Variants in POMZP3 observed in about 807,000 individuals in gnomAD.
POMZP3 encodes the protein POM121 and ZP3 fusion protein.
A neutral mutation model predicts 19.8 loss-of-function variants in POMZP3; 10 were observed. The ratio of observed to expected loss-of-function variants is 0.51; its 90% CI spans 0.31 to 0.86. The LOEUF (loss-of-function observed/expected upper bound fraction) is 0.86. POMZP3 is among the 40% of genes least tolerant of loss of function. The probability of loss-of-function intolerance (pLI) is 0.04; values close to 1 mark genes in which losing one functional copy is unlikely to be tolerated. For synonymous variants in POMZP3, 57 were observed against 85.8 expected (o/e 0.66, Z 1.85); for missense variants, 152 against 228.1 (o/e 0.67, Z 2.15).
At chr7:76,610,242 G>A (rs771741741) in intron 6 of POMZP3, 27 bp from the exon 7 acceptor site, 27 of 1,613,728 alleles carry the variant, frequency 1.7e-5, no homozygotes, top group Non-Finnish European at 2.3e-5. Flanking sequence ...CACAACCAAG[G>A]GTCATCTTAG....
chr7:76,624,605 C>T (rs1177416406), intron 3 of POMZP3, among the ~76,000 whole-genome samples: 11 of 150,918 alleles, frequency 7.3e-5, no homozygotes, highest in Admixed American at 6.6e-4. Context: ...ACCACCACAT[C>T]CAGCTAATTT....
rs1003675661 is a variant in POMZP3 at position 76,626,055 on chromosome 7, T to C, written c.10A>G (p.Ser4Gly). ...GGGGCGATCCTCAGAGTCACTGGGCTACACACCATCCTGGAGTTGCGAGGG... is the reference window on the plus strand; with the variant it reads ...GGGGCGATCCTCAGAGTCACTGGGCCACACACCATCCTGGAGTTGCGAGGG... MVC[S>G]PVTLRIAPPD... Residue 4 changes from serine (S) to glycine (G), a missense_variant, in exon 2 of 7, where the codon AGC (serine) becomes GGC (glycine). By Grantham distance (56) the Ser-to-Gly change is moderately conservative (BLOSUM62 0). Coordinates refer to ENST00000310842, the MANE Select transcript of POMZP3 (RefSeq NM_012230.5). 4 of 1,613,726 alleles carry C rather than the reference T, an allele frequency of 2.5e-6. No homozygotes were observed. In the African/African-American group the frequency reaches 5.3e-5, roughly 22 times the overall value.
intron 3 of POMZP3, among the ~76,000 whole-genome samples, chr7:76,620,928 G>A (rs187024240): frequency 2.9e-5 from 4 of 138,230 alleles, no homozygotes; most frequent in African/African-American, 8.5e-5. Flanking sequence ...GAGTGCAGTG[G>A]CATGATCTTG....
Position 76,610,347 on chromosome 7 carries a change from G to T in POMZP3, c.*12-132C>A, listed in dbSNP as rs990480765. 46 of 1,244,684 alleles carry T rather than the reference G, an allele frequency of 3.7e-5. No homozygotes were observed. The African/African-American group carries it at 6.3e-4, about 17-fold the overall frequency. 77.1% of individuals were successfully genotyped at this position (1,244,684 alleles called of 1,614,324 possible). On this transcript the variant is annotated intron_variant, in intron 6 of 6. Coordinates refer to ENST00000310842, the MANE Select transcript of POMZP3 (RefSeq NM_012230.5). ...TGTGTGGGCTAATAAACAGTTTCTA[G>T]ACAAAAAAACACAGCTTTCTCGGCC...
chr7:76,622,374 G>GTTTTTT (rs757086256), intron 3 of POMZP3, among the ~76,000 whole-genome samples: 3 of 62,808 alleles, frequency 4.8e-5, no homozygotes, highest in Non-Finnish European at 9.1e-5. Context: ...TCATTCTCAA[G>GTTTTTT]TTTTTTTTTT....
In POMZP3 at chr7:76,627,146, G is replaced by A; in HGVS notation, c.-590C>T. ...GCCGCAGCAGGCACGAGGTACAGTA[G>A]GAGGCCGACCAGCGACAGGCCGAGA... On this transcript the variant is annotated 5_prime_UTR_variant, in exon 1 of 7. Transcript: ENST00000310842. The A allele has an allele frequency of 2.8e-6, 4 of 1,447,914 alleles. No homozygotes were observed. The highest frequency in any genetic ancestry group is 3.7e-6 in the Non-Finnish European group (4 of 1,091,154). The allele number at this position is 1,447,914 out of a possible 1,614,324, so 89.7% of individuals were successfully genotyped here.
chr7:76,622,017 AAGATGGCGACG>A (rs1421398452), intron 3 of POMZP3, among the ~76,000 whole-genome samples: 1 of 140,822 alleles, frequency 7.1e-6, no homozygotes, highest in Non-Finnish European at 1.6e-5. Context: ...CACCAAGACC[AAGATGGCGACG>A]AGAGTGACCT....
chr7:76,626,682 G>A, intron 1 of POMZP3, 26 bp downstream of exon 1: 2 of 1,377,642 alleles, frequency 1.5e-6, no homozygotes, highest in South Asian at 1.7e-5. Context: ...GCCAAAGGAT[G>A]ATCTGGGAAA....
intron 3 of POMZP3, among the ~76,000 whole-genome samples, chr7:76,619,585 G>T (rs1323179869): frequency 7.0e-6 from 1 of 143,082 alleles, no homozygotes; most frequent in Non-Finnish European, 1.6e-5. Context: ...CCTAGAGATG[G>T]TGTCTTTTTT....
chr7:76,625,384 T>G, intron 3 of POMZP3, 138 bp downstream of exon 3: 4 of 1,414,016 alleles, frequency 2.8e-6, no homozygotes, highest in Non-Finnish European at 3.9e-6. Context: ...TATTAGGTTC[T>G]TTCATGAAAG....
Position 76,626,735 on chromosome 7 carries a change from A to C in POMZP3, c.-179T>G. On this transcript the variant is annotated 5_prime_UTR_variant, in exon 1 of 7. Transcript: ENST00000310842. The stretch of plus-strand genomic sequence containing the variant: ...TGGGGAAGGCCTCCCGGAGGGTCGG[A>C]GAAGAGGAGTGGGGAGAGAGGGGTA... 2 of 1,386,508 alleles carry C rather than the reference A, an allele frequency of 1.4e-6. No individual in the cohort carries two copies. Among genetic ancestry groups the C allele is most frequent in the Non-Finnish European group, 1.8e-6 (2 of 1,081,090 alleles). The allele number at this position is 1,386,508 out of a possible 1,614,324, so 85.9% of individuals were successfully genotyped here.
Sources: allele counts gnomAD v4.1 joint callset (sites outside exome capture counted in the v4.1 genomes callset), GRCh38; gene constraint gnomAD v4.1.1; transcripts MANE v1.5; gene names NCBI Gene and HGNC (gene_info 2026-07-23, HGNC 2026-07-21).